TBCA: variants seen among roughly 807,000 people sequenced by gnomAD.
TBCA encodes tubulin-specific chaperone A.
Under a neutral mutation model 15.8 loss-of-function variants are expected in TBCA, and 6 were observed. The ratio of observed to expected loss-of-function variants is 0.38; its 90% CI spans 0.21 to 0.75. The LOEUF (loss-of-function observed/expected upper bound fraction) is 0.75, where lower values mean the gene tolerates loss of function less well. Among genes scored for constraint, TBCA ranks in the 30% least tolerant of loss-of-function variants. The pLI is 0.46. For missense variants in TBCA, 90 were observed against 131.2 expected (o/e 0.69, Z 1.53); for synonymous variants, 32 against 42.3 (o/e 0.76, Z 0.94).
intron 2 of TBCA, among the ~76,000 whole-genome samples, chr5:77,700,204 C>CAAAACA (rs909887173): frequency 4.6e-5 from 7 of 152,008 alleles, no homozygotes; most frequent in African/African-American, 1.7e-4. Context: ...GATTCTGTCT[C>CAAAACA]AAAACAAAAA....
rs1746197423 is a variant in TBCA at position 77,708,364 on chromosome 5, A to T, written c.54-17T>A. ...TTGACCAACCTATAAAAAAGCCAAAAATGTTTTAGAAAATTAGCTTTCTCT... is the reference window on the plus strand; with the variant it reads ...TTGACCAACCTATAAAAAAGCCAAATATGTTTTAGAAAATTAGCTTTCTCT... On this transcript the variant is annotated splice_polypyrimidine_tract_variant and intron_variant, in intron 1 of 3. Transcript: ENST00000380377. 3 of 1,517,554 alleles carry T rather than the reference A, an allele frequency of 2.0e-6. No homozygotes were observed. Among genetic ancestry groups the T allele is most frequent in the Non-Finnish European group, 2.7e-6 (3 of 1,098,370 alleles). 94.0% of individuals were successfully genotyped at this position (1,517,554 alleles called of 1,614,324 possible). A position where few individuals can be genotyped will look rare whatever the true frequency, so the allele number is the denominator to read the frequency against.
chr5:77,766,248 T>A (rs1747774148), intron 1 of TBCA, among the ~76,000 whole-genome samples: 2 of 152,158 alleles, frequency 1.3e-5, no homozygotes, highest in African/African-American at 4.8e-5. Context: ...TTCTAGTTAA[T>A]TCTAGGTAAA....
At chr5:77,776,117 G>T in intron 1 of TBCA, 88 bp downstream of exon 1, 1 of 1,500,096 alleles carries the variant, frequency 6.7e-7, no homozygotes, top group Non-Finnish European at 9.0e-7. Flanking sequence ...CCCGCCTCGG[G>T]CCTCCTCGGG....
intron 1 of TBCA, among the ~76,000 whole-genome samples, chr5:77,732,412 G>T (rs748795792): frequency 3.2e-4 from 48 of 151,848 alleles, no homozygotes; most frequent in Non-Finnish European, 6.6e-4. Flanking sequence ...TTAGCCGGGC[G>T]TGGTGACGGG....
intron 1 of TBCA, among the ~76,000 whole-genome samples, chr5:77,737,719 A>AT (rs1230993437): frequency 1.3e-5 from 2 of 152,164 alleles, no homozygotes; most frequent in Non-Finnish European, 2.9e-5. Context: ...GAAACTGATA[A>AT]TTTTTTCCAC....
In TBCA at chr5:77,761,429, T is replaced by C. The variant is rs1031256495; in HGVS notation, c.53+14776A>G. On this transcript the variant is annotated intron_variant, in intron 1 of 3. Coordinates refer to ENST00000380377, the MANE Select transcript of TBCA (RefSeq NM_004607.3). ...AGATGTGCTTTGTTAAACAGATGCTTGAAGGCAGCATGCTCCTTAAGAGTC... is the reference window on the plus strand; with the variant it reads ...AGATGTGCTTTGTTAAACAGATGCTCGAAGGCAGCATGCTCCTTAAGAGTC... 5.3e-5 allele frequency among the ~76,000 whole-genome samples: 8 copies of C among 152,264 alleles called. 1 individual carries two copies. The highest frequency in any genetic ancestry group is 1.0e-4 in the Non-Finnish European group (7 of 68,008).
chr5:77,760,491 C>T (rs1023759450), intron 1 of TBCA, among the ~76,000 whole-genome samples: 6 of 152,136 alleles, frequency 3.9e-5, no homozygotes, highest in African/African-American at 1.2e-4. Context: ...GCCGTGATCT[C>T]GGCTCACTGC....
chr5:77,734,521 T>C (rs950836072), intron 1 of TBCA, among the ~76,000 whole-genome samples: 2 of 152,086 alleles, frequency 1.3e-5, no homozygotes, highest in African/African-American at 4.8e-5. Context: ...GTGGTAGAAA[T>C]AGCAAGAGAA....
intron 1 of TBCA, among the ~76,000 whole-genome samples, chr5:77,726,157 C>A (rs1746627465): frequency 6.6e-6 from 1 of 152,192 alleles, no homozygotes; most frequent in South Asian, 2.1e-4. Flanking sequence ...GTGTAAGGAG[C>A]TAACTCAAAT....
chr5:77,759,359 T>C (rs970467839), intron 1 of TBCA, among the ~76,000 whole-genome samples: 8 of 152,190 alleles, frequency 5.3e-5, no homozygotes, highest in South Asian at 4.2e-4. Context: ...AGAAAATAGA[T>C]TGTAATTGTT....
rs528374421 is a variant in TBCA at position 77,756,662 on chromosome 5, T to C, written c.53+19543A>G. ...AAAAAAAACAGCTAGGACTGCTTCCTATAAATTGTCCTCAGCCACCTTTAA... is the reference window on the plus strand; with the variant it reads ...AAAAAAAACAGCTAGGACTGCTTCCCATAAATTGTCCTCAGCCACCTTTAA... On this transcript the variant is annotated intron_variant, in intron 1 of 3. Coordinates refer to ENST00000380377, the MANE Select transcript of TBCA (RefSeq NM_004607.3). Among the ~76,000 whole-genome samples the C allele has an allele frequency of 1.8e-4, 27 of 151,214 alleles. 1 individual carries two copies. The South Asian group carries it at 3.3e-3, about 19-fold the overall frequency.
At chr5:77,764,511 CCATCTT>C (rs1024829435) in intron 1 of TBCA, among the ~76,000 whole-genome samples, 3 of 141,850 alleles carry the variant, frequency 2.1e-5, no homozygotes, top group Non-Finnish European at 3.3e-5. Flanking sequence ...CTTAAGTCTC[CCATCTT>C]TATTTTTAAC....
intron 3 of TBCA, chr5:77,692,653 C>G: frequency 1.0e-6 from 1 of 985,108 alleles, no homozygotes; most frequent in South Asian, 4.7e-5. Context: ...GAGAAAAAAG[C>G]ATTTAAACTG....
Position 77,776,252 on chromosome 5 carries a change from G to C in TBCA, c.6C>G (p.Ala2=). 6.3e-7 allele frequency: 1 copy of C among 1,580,014 alleles called. No individual in the cohort carries two copies. Among genetic ancestry groups the C allele is most frequent in the East Asian group, 2.3e-5 (1 of 42,892 alleles). The change falls in exon 1 of 4, where the codon GCC becomes GCG. Residue 2 remains alanine (A), a synonymous_variant. Coordinates refer to ENST00000380377, the MANE Select transcript of TBCA (RefSeq NM_004607.3). M[A]DPRVRQIKIK... is the part of the protein sequence containing the mutation. ...TCTTGATCTGTCTCACGCGAGGATCGGCCATGGTCCCTCGAGCGCCGCGAG... is the reference window on the plus strand; with the variant it reads ...TCTTGATCTGTCTCACGCGAGGATCCGCCATGGTCCCTCGAGCGCCGCGAG...
chr5:77,745,345 T>C (rs1342205460), intron 1 of TBCA, among the ~76,000 whole-genome samples: 1 of 152,260 alleles, frequency 6.6e-6, no homozygotes, highest in Admixed American at 6.5e-5. Flanking sequence ...CAGTACTTTG[T>C]AAATGTATTA....
chr5:77,750,932 T>C (rs1034894996), intron 1 of TBCA, among the ~76,000 whole-genome samples: 9 of 152,078 alleles, frequency 5.9e-5, no homozygotes, highest in Admixed American at 4.6e-4. Flanking sequence ...TGATTAGCAA[T>C]TGGTTGAAAG....
At chr5:77,696,414 G>C (rs1442114417) in intron 2 of TBCA, among the ~76,000 whole-genome samples, 1 of 151,988 alleles carries the variant, frequency 6.6e-6, no homozygotes, top group Non-Finnish European at 1.5e-5. Flanking sequence ...ATTGTAAGAA[G>C]AATCTTAAGT....
intron 2 of TBCA, among the ~76,000 whole-genome samples, chr5:77,707,751 ATAAT>A (rs895341622): frequency 1.2e-4 from 19 of 152,114 alleles, no homozygotes; most frequent in African/African-American, 3.8e-4. Flanking sequence ...ATCTAAATAT[ATAAT>A]TAATATAAGA....
chr5:77,745,516 A>G (rs1747166072), intron 1 of TBCA, among the ~76,000 whole-genome samples: 1 of 152,218 alleles, frequency 6.6e-6, no homozygotes, highest in Non-Finnish European at 1.5e-5. Context: ...CTGAATTTTC[A>G]CAATGAGTTT....
Sources: allele counts gnomAD v4.1 joint callset (sites outside exome capture counted in the v4.1 genomes callset), GRCh38; gene constraint gnomAD v4.1.1; transcripts MANE v1.5; gene names NCBI Gene and HGNC (gene_info 2026-07-23, HGNC 2026-07-21).